The following ELMOD1 variants were observed in gnomAD, a reference collection of about 807,000 sequenced individuals.
ELMOD1 encodes ELMO domain containing 1, also known as ELMO domain-containing protein 1.
ELMOD1 carries 21 observed loss-of-function variants against 46.7 expected under a neutral mutation model. The observed-to-expected ratio is 0.45, with a 90% CI of 0.32 to 0.65. ELMOD1 has a LOEUF of 0.65. ELMOD1 is among the 30% of genes least tolerant of loss of function. The pLI is 0.04. For missense variants in ELMOD1, 348 were observed against 407.8 expected, an observed-to-expected ratio of 0.85 and a Z score of 1.26; for synonymous variants, 122 against 138.2, an observed-to-expected ratio of 0.88 and a Z score of 0.82.
At chr11:107,656,498 A>T (rs1209299869) in intron 11 of ELMOD1, among the ~76,000 whole-genome samples, 1 of 149,816 alleles carries the variant, frequency 6.7e-6, no homozygotes, top group African/African-American at 2.5e-5. Context: ...AGAGAGAGAG[A>T]AAGAGAAAGA....
intron 6 of ELMOD1, among the ~76,000 whole-genome samples, chr11:107,639,160 A>G (rs938845418): frequency 2.0e-5 from 3 of 152,000 alleles, no homozygotes; most frequent in African/African-American, 7.2e-5. Context: ...AAATAATAAT[A>G]ATAATAATAA....
At chr11:107,634,633 C>T (rs910647781) in intron 5 of ELMOD1, among the ~76,000 whole-genome samples, 5 of 152,132 alleles carry the variant, frequency 3.3e-5, no homozygotes, top group Non-Finnish European at 7.4e-5. Flanking sequence ...CTCAGCTATT[C>T]GGGAGGCTAG....
chr11:107,642,909 G>T, intron 6 of ELMOD1: 1 of 327,102 alleles, frequency 3.1e-6, no homozygotes, highest in Non-Finnish European at 6.1e-6. Context: ...TCCAGAAACT[G>T]AATTCTGAAC....
Position 107,665,272 on chromosome 11 carries a change from C to T in ELMOD1, c.*75C>T, listed in dbSNP as rs1352096618. The T allele has an allele frequency of 1.4e-6, 2 of 1,462,382 alleles. No individual in the cohort carries two copies. Among genetic ancestry groups the T allele is most frequent in the South Asian group, 1.3e-5 (1 of 78,496 alleles). The allele number at this position is 1,462,382 out of a possible 1,614,324, so 90.6% of individuals were successfully genotyped here. A position where few individuals can be genotyped will look rare whatever the true frequency, so the allele number is the denominator to read the frequency against. ...TGTTAGATCTCTGCTTAGGTCGCAG[C>T]TCACGCATTGAATGCACACAGTGAT... On this transcript the variant is annotated 3_prime_UTR_variant, in exon 12 of 12. Coordinates refer to ENST00000265840, the MANE Select transcript of ELMOD1 (RefSeq NM_018712.4).
intron 1 of ELMOD1, among the ~76,000 whole-genome samples, chr11:107,599,410 T>G (rs1865549345): frequency 6.6e-6 from 1 of 152,134 alleles, no homozygotes; most frequent in Non-Finnish European, 1.5e-5. Flanking sequence ...CTATTATATT[T>G]TATACCTCTA....
chr11:107,592,356 TG>T (rs1565365047), intron 1 of ELMOD1: 3 of 534,266 alleles, frequency 5.6e-6, no homozygotes, highest in Non-Finnish European at 7.7e-6. Flanking sequence ...GGCCGTAGAT[TG>T]GTACTATCAA....
In ELMOD1 at chr11:107,650,375, C is replaced by T. The variant is rs986894606; in HGVS notation, c.595C>T (p.Leu199=). 19 of 1,592,550 alleles carry T rather than the reference C, an allele frequency of 1.2e-5. No individual in the cohort carries two copies. In the Admixed American group the frequency reaches 2.8e-4, roughly 23 times the overall value. The change falls in exon 8 of 12, where the codon CTG becomes TTG. Residue 199 remains leucine (L), a synonymous_variant. Transcript: ENST00000265840. ...ERDATAAQQV[L]SDSLHPKCRD... ...GGATGCCACAGCAGCTCAGCAGGTC[C>T]TGTCTGACTCTCTTCATCCGAAATG...
At chr11:107,621,495 C>A (rs1260347140) in intron 2 of ELMOD1, among the ~76,000 whole-genome samples, 1 of 152,216 alleles carries the variant, frequency 6.6e-6, no homozygotes, top group East Asian at 1.9e-4. Context: ...GCATTCATTG[C>A]TAATAATGCA....
At chr11:107,649,597 CACTA>C (rs994552692) in intron 7 of ELMOD1, among the ~76,000 whole-genome samples, 3 of 152,178 alleles carry the variant, frequency 2.0e-5, no homozygotes, top group Non-Finnish European at 2.9e-5. Context: ...AACTCAGTCT[CACTA>C]ACAACTGTGA....
chr11:107,634,089 A>C (rs1251189135), intron 5 of ELMOD1, among the ~76,000 whole-genome samples: 3 of 152,176 alleles, frequency 2.0e-5, no homozygotes, highest in African/African-American at 7.2e-5. Flanking sequence ...CAGTGATTAT[A>C]ATGACCACCA....
intron 2 of ELMOD1, among the ~76,000 whole-genome samples, chr11:107,618,497 G>A (rs752084302): frequency 3.0e-4 from 45 of 152,184 alleles, no homozygotes; most frequent in Non-Finnish European, 5.4e-4. Flanking sequence ...GTGGTACACC[G>A]CTGGCCTGAA....
rs968759670 is a variant in ELMOD1 at position 107,614,940 on chromosome 11, T to G, written c.-85-3165T>G. On this transcript the variant is annotated intron_variant, in intron 1 of 11. Transcript: ENST00000265840. Reference sequence around the variant, plus strand: ...AACCCCTACATCTAGGCTAAGCATCTCTCCTACTCACTGCCACAGCACCTA... The same window carrying G: ...AACCCCTACATCTAGGCTAAGCATCGCTCCTACTCACTGCCACAGCACCTA... 4.6e-5 allele frequency among the ~76,000 whole-genome samples: 7 copies of G among 152,224 alleles called. No homozygotes were observed. In the East Asian group the frequency reaches 1.4e-3, roughly 29 times the overall value.
chr11:107,636,626 T>A (rs1866234074), intron 6 of ELMOD1, among the ~76,000 whole-genome samples: 1 of 152,208 alleles, frequency 6.6e-6, no homozygotes, highest in African/African-American at 2.4e-5. Flanking sequence ...ACAGAAGGCG[T>A]AATTTCAAAA....
intron 5 of ELMOD1, among the ~76,000 whole-genome samples, chr11:107,633,037 C>T (rs928953340): frequency 1.3e-5 from 2 of 152,174 alleles, no homozygotes; most frequent in Non-Finnish European, 2.9e-5. Flanking sequence ...AAATTACCTT[C>T]AGGCTATGTG....
chr11:107,638,914 A>G (rs747288962), intron 6 of ELMOD1, among the ~76,000 whole-genome samples: 88 of 152,332 alleles, frequency 5.8e-4, no homozygotes, highest in Non-Finnish European at 6.6e-4. Flanking sequence ...TGGGAAGCTG[A>G]GGCAGGAGGA....
At position 107,596,615 on chromosome 11, in the gene ELMOD1, A is replaced by G. The variant is rs187683022; in HGVS notation, c.-86+5206A>G. ...ATTGTACATTCTCTTAAAATGATAA[A>G]CATTTATCAAAGCTATTTAAATTAA... is the stretch of plus-strand genomic sequence containing the variant. On this transcript the variant is annotated intron_variant, in intron 1 of 11. Transcript: ENST00000265840. Among the ~76,000 whole-genome samples, 997 of 152,268 alleles carry G rather than the reference A, an allele frequency of 6.5e-3. 9 individuals are homozygous for G. The highest frequency in any genetic ancestry group is 0.02 in the Middle Eastern group (6 of 294).
chr11:107,591,468 G>A (rs979658863), intron 1 of ELMOD1, 59 bp downstream of exon 1: 1 of 195,256 alleles, frequency 5.1e-6, no homozygotes, highest in Non-Finnish European at 1.1e-5. Flanking sequence ...GGGGAGGAGA[G>A]AGGTGCGGCG....
chr11:107,619,117 C>A (rs185846152), intron 2 of ELMOD1, among the ~76,000 whole-genome samples: 14 of 152,228 alleles, frequency 9.2e-5, no homozygotes, highest in South Asian at 6.2e-4. Flanking sequence ...CACTGCCCCC[C>A]ACCCCAGTGG....
chr11:107,601,033 T>C (rs983260599), intron 1 of ELMOD1, among the ~76,000 whole-genome samples: 4 of 152,194 alleles, frequency 2.6e-5, no homozygotes, highest in Admixed American at 1.3e-4. Context: ...TTACACATCA[T>C]TTAAAACATT....
Sources: allele counts gnomAD v4.1 joint callset (sites outside exome capture counted in the v4.1 genomes callset), GRCh38; gene constraint gnomAD v4.1.1; transcripts MANE v1.5; gene names NCBI Gene and HGNC (gene_info 2026-07-23, HGNC 2026-07-21).